The following DET1 variants were observed in gnomAD, a reference collection of about 807,000 sequenced individuals.
DET1 encodes DET1 homolog.
Under a neutral mutation model 43.7 loss-of-function variants are expected in DET1, and 22 were observed. That is an observed-to-expected ratio of 0.50 (90% CI 0.36 to 0.72). The LOEUF is 0.72. Ranked by LOEUF, DET1 falls within the 30% of genes least tolerant of loss-of-function variation. The pLI is 0.00. For missense variants in DET1, 713 were observed against 713.3 expected, an observed-to-expected ratio of 1.00 and a Z score of 0.00; for synonymous variants, 315 against 266.2, an observed-to-expected ratio of 1.18 and a Z score of -1.79.
intron 1 of DET1, among the ~76,000 whole-genome samples, chr15:88,539,433 C>G (rs554693915): frequency 6.8e-6 from 1 of 146,696 alleles, no homozygotes; most frequent in African/African-American, 2.6e-5. Context: ...ACGGGAGGGC[C>G]CCCCCTTGTC....
At position 88,512,719 on chromosome 15, in the gene DET1, C is replaced by T; in HGVS notation, c.*232G>A. ...TGGACTTAATTAATGCTGGGCATTCCCACAGGGAAAACGCAAGAGGATATT... is the reference window on the plus strand; with the variant it reads ...TGGACTTAATTAATGCTGGGCATTCTCACAGGGAAAACGCAAGAGGATATT... On this transcript the variant is annotated 3_prime_UTR_variant, in exon 5 of 5. Transcript: ENST00000268148. 1 of 1,249,990 alleles carries T rather than the reference C, an allele frequency of 8.0e-7. No individual in the cohort carries two copies. Among genetic ancestry groups the T allele is most frequent in the Non-Finnish European group, 1.0e-6 (1 of 997,864 alleles). 77.4% of individuals were successfully genotyped at this position (1,249,990 alleles called of 1,614,324 possible).
chr15:88,508,745 A>G (rs941862434), downstream of DET1, among the ~76,000 whole-genome samples: 1 of 152,210 alleles, frequency 6.6e-6, no homozygotes, highest in African/African-American at 2.4e-5. Context: ...AATGGGCCAC[A>G]GGGAAGTGAA....
intron 2 of DET1, among the ~76,000 whole-genome samples, chr15:88,528,943 T>G (rs1385969910): frequency 6.6e-6 from 1 of 152,230 alleles, no homozygotes; most frequent in Non-Finnish European, 1.5e-5. Context: ...GCCTTGTGTT[T>G]GGATGTACTT....
At chr15:88,529,359 TAAAG>T (rs2056752282) in intron 2 of DET1, among the ~76,000 whole-genome samples, 1 of 151,948 alleles carries the variant, frequency 6.6e-6, no homozygotes, top group African/African-American at 2.4e-5. Context: ...GACTGGGAAA[TAAAG>T]AACAGGAGAG....
chr15:88,510,308 G>A (rs1392445511), downstream of DET1, among the ~76,000 whole-genome samples: 3 of 152,198 alleles, frequency 2.0e-5, no homozygotes, highest in Non-Finnish European at 2.9e-5. Context: ...AGAAAAGATA[G>A]AAGATTGGCC....
chr15:88,530,201 G>C (rs1275166582), intron 2 of DET1, among the ~76,000 whole-genome samples: 1 of 152,158 alleles, frequency 6.6e-6, no homozygotes, highest in South Asian at 2.1e-4. Context: ...GATGAAAGTG[G>C]GGTTACTTAG....
intron 3 of DET1, among the ~76,000 whole-genome samples, chr15:88,521,288 T>C (rs1205155986): frequency 6.6e-6 from 1 of 152,242 alleles, no homozygotes; most frequent in Non-Finnish European, 1.5e-5. Context: ...TTCAAAAGCT[T>C]TCTCAACCAC....
chr15:88,531,962 G>C lies in DET1; in HGVS notation c.-10-247C>G, dbSNP rs2056827370. Reference sequence around the variant, plus strand: ...ACCTTCCAAGTATGCTCAGCTGTTGGGAAAGTTCAACAGAAAAAAACCTAC... The same window carrying C: ...ACCTTCCAAGTATGCTCAGCTGTTGCGAAAGTTCAACAGAAAAAAACCTAC... On this transcript the variant is annotated intron_variant, in intron 1 of 4. Coordinates refer to ENST00000268148, the MANE Select transcript of DET1 (RefSeq NM_001144074.3). The surrounding 1 kb of genome is among the most constrained non-coding windows in gnomAD (Gnocchi z 6.2). The C allele has an allele frequency of 2.2e-6, 1 of 450,458 alleles. No homozygotes were observed. Among genetic ancestry groups the C allele is most frequent in the South Asian group, 3.4e-5 (1 of 29,620 alleles). The allele number at this position is 450,458 out of a possible 1,614,324, so 27.9% of individuals were successfully genotyped here.
intron 2 of DET1, among the ~76,000 whole-genome samples, chr15:88,530,298 G>T (rs2056776729): frequency 6.6e-6 from 1 of 152,178 alleles, no homozygotes; most frequent in African/African-American, 2.4e-5. Context: ...AAAATCAAGG[G>T]AGGTTATCCA....
Position 88,512,988 on chromosome 15 carries a change from T to C in DET1, c.1616A>G (p.Tyr539Cys). ...GTGTCGCATATGGAAGTTGACAACA[T>C]ACTCAGCATTAGTCCTCTGCACAGA... ...AISVQRTNAE[Y>C]VVNFHMRHCC... The change falls in exon 5 of 5, where the codon TAT becomes TGT. Residue 539 changes from tyrosine (Y) to cysteine (C), a missense_variant. Coordinates refer to ENST00000268148, the MANE Select transcript of DET1 (RefSeq NM_001144074.3). 6.2e-7 allele frequency: 1 copy of C among 1,614,030 alleles called. No homozygotes were observed. The highest frequency in any genetic ancestry group is 8.5e-7 in the Non-Finnish European group (1 of 1,179,896).
At chr15:88,525,392 C>T (rs1426336703) in intron 3 of DET1, among the ~76,000 whole-genome samples, 1 of 152,178 alleles carries the variant, frequency 6.6e-6, no homozygotes, top group Non-Finnish European at 1.5e-5. Flanking sequence ...GAATATACAA[C>T]CTTTCTCCTC....
intron 3 of DET1, among the ~76,000 whole-genome samples, chr15:88,517,223 G>GTT (rs2056368857): frequency 7.1e-6 from 1 of 140,106 alleles, no homozygotes; most frequent in African/African-American, 2.8e-5. Context: ...TTGGGTTTTG[G>GTT]GTTTTTTTTT....
chr15:88,538,040 C>T (rs1033873732), intron 1 of DET1, among the ~76,000 whole-genome samples: 10 of 152,160 alleles, frequency 6.6e-5, no homozygotes, highest in Admixed American at 2.6e-4. Context: ...CTCGGTCATG[C>T]GGTATTTTCA....
chr15:88,521,284 AG>A (rs1456117737), intron 3 of DET1, among the ~76,000 whole-genome samples: 1 of 152,198 alleles, frequency 6.6e-6, no homozygotes. Flanking sequence ...TTCCTTCAAA[AG>A]CTTTCTCAAC....
chr15:88,517,725 T>C (rs998558879), intron 3 of DET1, among the ~76,000 whole-genome samples: 1 of 152,218 alleles, frequency 6.6e-6, no homozygotes, highest in African/African-American at 2.4e-5. Flanking sequence ...CTCTGACTCT[T>C]CTTGGGATCA....
At chr15:88,508,723 G>A (rs2056167780), downstream of DET1, among the ~76,000 whole-genome samples, 1 of 152,190 alleles carries the variant, frequency 6.6e-6, no homozygotes, top group South Asian at 2.1e-4. Flanking sequence ...CTTCTTTGGA[G>A]TGGGTTGAGG....
At chr15:88,509,038 T>C (rs1236071728), downstream of DET1, among the ~76,000 whole-genome samples, 5 of 152,150 alleles carry the variant, frequency 3.3e-5, no homozygotes, top group Admixed American at 2.6e-4. Flanking sequence ...TTTGCTGCAA[T>C]AGGAGGTAAG....
intron 7 of DET1, among the ~76,000 whole-genome samples, chr15:88,505,948 G>T (rs1277864570): frequency 6.6e-6 from 1 of 152,094 alleles, no homozygotes; most frequent in Non-Finnish European, 1.5e-5. Context: ...CAAAAGAATG[G>T]CACCACCTCA....
At chr15:88,515,931 T>TA (rs147140535) in intron 4 of DET1, among the ~76,000 whole-genome samples, 4 of 151,892 alleles carry the variant, frequency 2.6e-5, no homozygotes, top group East Asian at 3.8e-4. Flanking sequence ...CTTTCCATAA[T>TA]AAAAAAAATA....
Sources: gnomAD v4.1 joint callset for allele counts (sites outside exome capture counted in the v4.1 genomes callset) on GRCh38, gnomAD v4.1.1 for gene constraint, Gnocchi (gnomAD v3.1) non-coding constraint, MANE v1.5 for transcripts, NCBI Gene and HGNC (gene_info 2026-07-23, HGNC 2026-07-21) for gene names.